Variants in DENND5B observed in about 807,000 individuals in gnomAD.
The protein encoded by DENND5B is DENN domain-containing protein 5B.
In DENND5B, 34 loss-of-function variants were observed where a neutral mutation model predicts 140.6. That is an observed-to-expected ratio of 0.24 (90% CI 0.18 to 0.32). The LOEUF (loss-of-function observed/expected upper bound fraction) is 0.32. DENND5B is among the 10% of genes least tolerant of loss of function. DENND5B has a pLI of 1.00. For synonymous variants in DENND5B, 551 were observed against 562.1 expected (o/e 0.98, Z 0.28); for missense variants, 1,142 against 1,560.2 (o/e 0.73, Z 4.52).
intron 2 of DENND5B, among the ~76,000 whole-genome samples, chr12:31,487,472 T>C (rs1483513179): frequency 6.6e-6 from 1 of 152,026 alleles, no homozygotes; most frequent in African/African-American, 2.4e-5. Flanking sequence ...CTGAGACGGG[T>C]GGATTGCCTG....
intron 17 of DENND5B, among the ~76,000 whole-genome samples, chr12:31,397,149 A>G (rs1420780482): frequency 6.6e-6 from 1 of 152,212 alleles, no homozygotes; most frequent in East Asian, 1.9e-4. Flanking sequence ...ACATGAACAT[A>G]GTATAATATT....
intron 16 of DENND5B, 93 bp downstream of exon 16, chr12:31,399,561 G>T (rs1264617855): frequency 3.0e-6 from 3 of 1,004,398 alleles, no homozygotes; most frequent in African/African-American, 3.2e-5. Context: ...TTATAGGTGT[G>T]AGCCACTGTG....
At chr12:31,411,043 T>C (rs1942428814) in intron 13 of DENND5B, among the ~76,000 whole-genome samples, 1 of 100,224 alleles carries the variant, frequency 1.0e-5, no homozygotes, top group African/African-American at 3.1e-5. Flanking sequence ...TAAATCACTT[T>C]TTTTTTTTTT....
intron 1 of DENND5B, among the ~76,000 whole-genome samples, chr12:31,496,536 C>G (rs1373210141): frequency 6.6e-6 from 1 of 152,098 alleles, no homozygotes; most frequent in African/African-American, 2.4e-5. Flanking sequence ...TGGCAAAATT[C>G]TGGAAACATA....
chr12:31,577,710 C>CAAAA (rs35015214), intron 1 of DENND5B, among the ~76,000 whole-genome samples: 1 of 70,506 alleles, frequency 1.4e-5, no homozygotes, highest in South Asian at 5.9e-4. Context: ...GACTCTGTCT[C>CAAAA]AAAAAAAAAA....
intron 1 of DENND5B, among the ~76,000 whole-genome samples, chr12:31,509,930 T>G (rs1947345074): frequency 2.0e-5 from 3 of 152,122 alleles, no homozygotes; most frequent in African/African-American, 7.2e-5. Flanking sequence ...ACAAATTCAG[T>G]CCCTGCCAAC....
intron 12 of DENND5B, 92 bp from the exon 13 acceptor site, chr12:31,413,656 G>T: frequency 1.5e-6 from 2 of 1,370,662 alleles, no homozygotes; most frequent in Non-Finnish European, 1.9e-6. Context: ...GGCACAGAAA[G>T]GTTTATACTT....
rs139085998 is a variant in DENND5B at position 31,480,621 on chromosome 12, A to G, written c.238-366T>C. On this transcript the variant is annotated intron_variant, in intron 2 of 20. Coordinates refer to ENST00000389082, the MANE Select transcript of DENND5B (RefSeq NM_144973.4). Reference sequence around the variant, plus strand: ...TTCCTTTATCTACAATAGTTGCTGTATCAACGACTTGAAGACAGAGTAGGC... The same window carrying G: ...TTCCTTTATCTACAATAGTTGCTGTGTCAACGACTTGAAGACAGAGTAGGC... Among the ~76,000 whole-genome samples, 746 of 152,352 alleles carry G rather than the reference A, an allele frequency of 4.9e-3. 5 individuals are homozygous for G. Among genetic ancestry groups the G allele is most frequent in the Non-Finnish European group, 8.2e-3 (560 of 68,026 alleles).
chr12:31,412,641 A>G (rs1204948728), intron 13 of DENND5B, among the ~76,000 whole-genome samples: 2 of 152,190 alleles, frequency 1.3e-5, no homozygotes, highest in African/African-American at 4.8e-5. Flanking sequence ...CTAACAGACC[A>G]CAGACCAGTA....
At position 31,424,703 on chromosome 12, in the gene DENND5B, G is replaced by A; in HGVS notation, c.2239-16C>T. The A allele has an allele frequency of 6.2e-7, 1 of 1,612,972 alleles. No homozygotes were observed. Among genetic ancestry groups the A allele is most frequent in the Admixed American group, 1.7e-5 (1 of 59,782 alleles). ...TGCGCTTTGTCTAAGAATATCACGTGTAGTCATAAGGCACCCCAGCAGTGA... is the reference window on the plus strand; with the variant it reads ...TGCGCTTTGTCTAAGAATATCACGTATAGTCATAAGGCACCCCAGCAGTGA... On this transcript the variant is annotated splice_polypyrimidine_tract_variant and intron_variant, in intron 9 of 20. Transcript: ENST00000389082.
At chr12:31,573,065 C>T (rs1039304964) in intron 1 of DENND5B, among the ~76,000 whole-genome samples, 2 of 152,098 alleles carry the variant, frequency 1.3e-5, no homozygotes, top group Admixed American at 6.6e-5. Flanking sequence ...GAGAAAAGCT[C>T]AAAGGCCTAT....
intron 3 of DENND5B, among the ~76,000 whole-genome samples, chr12:31,469,686 A>G (rs1259240): frequency 0.078 from 11,865 of 152,064 alleles, 1,060 homozygotes; most frequent in African/African-American, 0.22. Context: ...CCAATGTTGG[A>G]GGTGAGGTGT....
At chr12:31,575,110 A>G (rs566366344) in intron 1 of DENND5B, among the ~76,000 whole-genome samples, 1 of 152,350 alleles carries the variant, frequency 6.6e-6, no homozygotes, top group South Asian at 2.1e-4. Context: ...AAATACATAC[A>G]CTTGAGACAG....
chr12:31,495,851 T>G lies in DENND5B; in HGVS notation c.196A>C (p.Asn66His). The change falls in exon 2 of 21, where the codon AAT (asparagine) becomes CAT (histidine). Residue 66 changes from asparagine to histidine, a missense_variant. This residue lies in a region of DENND5B where 708 missense variants were observed against 905.5 expected (regional missense o/e 0.78). Transcript: ENST00000389082. ...KSKVLAHYPQ[N>H]IEWNPFDQDA... ...TGATCAAAAGGGTTCCATTCTATAT[T>G]CTGAGGATAGTGGGCGAGAACTTTG... The G allele has an allele frequency of 6.2e-7, 1 of 1,612,954 alleles. No individual in the cohort carries two copies. Among genetic ancestry groups the G allele is most frequent in the Non-Finnish European group, 8.5e-7 (1 of 1,179,430 alleles).
intron 8 of DENND5B, among the ~76,000 whole-genome samples, chr12:31,426,943 G>C (rs1943263901): frequency 1.3e-5 from 2 of 152,092 alleles, no homozygotes; most frequent in Admixed American, 1.3e-4. Context: ...TTTCGAATCT[G>C]GTTGTAACTA....
intron 7 of DENND5B, among the ~76,000 whole-genome samples, chr12:31,441,844 A>G (rs558200061): frequency 6.6e-6 from 1 of 152,034 alleles, no homozygotes; most frequent in South Asian, 2.1e-4. Context: ...CCATGCCCAG[A>G]TAATTTTTCT....
Position 31,384,024 on chromosome 12 carries a change from TAATTTAAA to T in DENND5B, c.*3571_*3578del, listed in dbSNP as rs2137205978. ...GAGATGTAATCCTAAAGCAATGTAT[TAATTTAAA>T]AAATTACCACAGCAGAAAAGATGCC... is the stretch of plus-strand genomic sequence containing the variant. On this transcript the variant is annotated 3_prime_UTR_variant, in exon 21 of 21. Transcript: ENST00000389082. 1.3e-5 allele frequency: 2 copies of T among 152,316 alleles called. No homozygotes were observed. Among genetic ancestry groups the T allele is most frequent in the African/African-American group, 4.8e-5 (2 of 41,572 alleles). The allele number at this position is 152,316 out of a possible 1,614,324, so 9.4% of individuals were successfully genotyped here. A position where few individuals can be genotyped will look rare whatever the true frequency, so the allele number is the denominator to read the frequency against.
At chr12:31,469,410 TG>T (rs1405332095) in intron 3 of DENND5B, among the ~76,000 whole-genome samples, 3 of 151,872 alleles carry the variant, frequency 2.0e-5, no homozygotes, top group Non-Finnish European at 4.4e-5. Flanking sequence ...ATTAAGGTGC[TG>T]GGTAAGTCCA....
chr12:31,420,996 A>G (rs1028015921), intron 11 of DENND5B, among the ~76,000 whole-genome samples: 1 of 152,186 alleles, frequency 6.6e-6, no homozygotes. Context: ...TCCAGCATCT[A>G]GTCTCATCAT....
Sources: gnomAD v4.1 joint callset for allele counts (sites outside exome capture counted in the v4.1 genomes callset) on GRCh38, gnomAD v4.1.1 for gene constraint, gnomAD v4.1.1 regional missense constraint, MANE v1.5 for transcripts, NCBI Gene and HGNC (gene_info 2026-07-23, HGNC 2026-07-21) for gene names.